LIMCH1: variants seen among roughly 807,000 people sequenced by gnomAD.
LIMCH1 encodes LIM and calponin homology domains-containing protein 1.
In LIMCH1, 113 loss-of-function variants were observed where a neutral mutation model predicts 176.5. The observed-to-expected ratio is 0.64, with a 90% CI of 0.55 to 0.75. LIMCH1 has a LOEUF of 0.75. Among genes scored for constraint, LIMCH1 ranks in the 30% least tolerant of loss-of-function variants. The pLI is 0.00. For missense variants in LIMCH1, 1,674 were observed against 1,814.9 expected (o/e 0.92, Z 1.41); for synonymous variants, 619 against 645.9 (o/e 0.96, Z 0.63).
In LIMCH1 at chr4:41,620,690, G is replaced by A. The variant is rs1343445310; in HGVS notation, c.725G>A (p.Ser242Asn). 7 of 1,532,270 alleles carry A rather than the reference G, an allele frequency of 4.6e-6. No homozygotes were observed. The highest frequency in any genetic ancestry group is 6.1e-6 in the Non-Finnish European group (7 of 1,144,492). 94.9% of individuals were successfully genotyped at this position (1,532,270 alleles called of 1,614,324 possible). ...ATGCCAGCAGCACAGCGCTTTGCCA[G>A]GTCAGCTCTGGGCTGAGGGCTGGCC... is the stretch of plus-strand genomic sequence containing the variant. The part of the protein sequence containing the change: ...KVMPAAQRFA[S>N]QKQLSEEKEA... Residue 242 changes from serine to asparagine, a missense_variant and splice_region_variant, in exon 7 of 32, where the codon AGT becomes AAT. Physicochemically the swap from Ser to Asn is conservative, Grantham distance 46 (BLOSUM62 1). Around this residue, in one of 3 missense-constraint regions of LIMCH1, gnomAD observed 655 missense variants for 692.2 expected, o/e 0.95. Coordinates refer to ENST00000503057, the MANE Select transcript of LIMCH1 (RefSeq NM_001330672.2).
At chr4:41,577,897 CTTG>C (rs1399327093) in intron 1 of LIMCH1, among the ~76,000 whole-genome samples, 8 of 152,158 alleles carry the variant, frequency 5.3e-5, no homozygotes, top group Non-Finnish European at 8.8e-5. Flanking sequence ...TAAGCGATCT[CTTG>C]TTGTTGAACA....
intron 1 of LIMCH1, among the ~76,000 whole-genome samples, chr4:41,466,001 C>T (rs1240395283): frequency 1.0e-4 from 15 of 147,872 alleles, no homozygotes; most frequent in Non-Finnish European, 4.4e-5. Flanking sequence ...CTCTGTCTCC[C>T]ACACTGGAGT....
At chr4:41,680,372 G>A (rs1432234937) in intron 24 of LIMCH1, among the ~76,000 whole-genome samples, 1 of 152,184 alleles carries the variant, frequency 6.6e-6, no homozygotes, top group Non-Finnish European at 1.5e-5. Context: ...TCAGATTCTT[G>A]ATTGATTTTA....
intron 1 of LIMCH1, among the ~76,000 whole-genome samples, chr4:41,578,345 C>T (rs542868746): frequency 4.2e-4 from 64 of 152,294 alleles, no homozygotes; most frequent in Non-Finnish European, 8.5e-4. Context: ...AAACTGCCCC[C>T]ATGAGCCGAT....
intron 2 of LIMCH1, among the ~76,000 whole-genome samples, chr4:41,497,140 G>A (rs781688661): frequency 6.6e-6 from 1 of 152,144 alleles, no homozygotes; most frequent in Non-Finnish European, 1.5e-5. Context: ...TGGTATCTTG[G>A]AACAGTGTTA....
intron 2 of LIMCH1, among the ~76,000 whole-genome samples, chr4:41,600,324 T>C (rs1020443702): frequency 7.9e-5 from 12 of 152,232 alleles, no homozygotes; most frequent in Admixed American, 6.5e-4. Context: ...CATTGTTCAC[T>C]TTAGGAAATT....
intron 1 of LIMCH1, among the ~76,000 whole-genome samples, chr4:41,485,767 G>A (rs1248247635): frequency 7.9e-5 from 12 of 152,278 alleles, no homozygotes; most frequent in African/African-American, 2.4e-4. Context: ...GAGTGGAATG[G>A]TAGCATGATT....
intron 9 of LIMCH1, among the ~76,000 whole-genome samples, chr4:41,630,500 C>T (rs1488984907): frequency 6.6e-6 from 1 of 151,998 alleles, no homozygotes; most frequent in African/African-American, 2.4e-5. Flanking sequence ...TTAATTATTC[C>T]ACAGTACCTA....
chr4:41,403,300 G>A (rs906376026), intron 1 of LIMCH1, among the ~76,000 whole-genome samples: 16 of 152,082 alleles, frequency 1.1e-4, no homozygotes, highest in African/African-American at 3.9e-4. Context: ...GACCCATCAC[G>A]CCGGGCACGG....
intron 18 of LIMCH1, among the ~76,000 whole-genome samples, chr4:41,657,222 G>A (rs1312718925): frequency 6.6e-6 from 1 of 152,218 alleles, no homozygotes; most frequent in Admixed American, 6.5e-5. Flanking sequence ...TCTTGAGAAA[G>A]TGTTACCAGT....
At chr4:41,609,303 T>A (rs1436382717) in intron 4 of LIMCH1, among the ~76,000 whole-genome samples, 2 of 152,112 alleles carry the variant, frequency 1.3e-5, no homozygotes, top group Non-Finnish European at 2.9e-5. Context: ...TTTTTCTGTG[T>A]ATTTTTTGTC....
chr4:41,370,125 C>T lies in LIMCH1; in HGVS notation c.96+9189C>T, dbSNP rs148063291. ...GGTCAGGGCTCGTTGGAGTTCCTGGCTGCAAGGCGGGAGAGCAGACATCTC... is the reference window on the plus strand; with the variant it reads ...GGTCAGGGCTCGTTGGAGTTCCTGGTTGCAAGGCGGGAGAGCAGACATCTC... On this transcript the variant is annotated intron_variant, in intron 1 of 26. Transcript: ENST00000313860. 6.2e-4 allele frequency among the ~76,000 whole-genome samples: 95 copies of T among 152,256 alleles called. 3 individuals carry two copies. In the East Asian group the frequency reaches 0.017, roughly 27 times the overall value.
intron 20 of LIMCH1, among the ~76,000 whole-genome samples, chr4:41,664,519 T>C (rs1411777417): frequency 6.6e-6 from 1 of 152,218 alleles, no homozygotes; most frequent in Non-Finnish European, 1.5e-5. Context: ...GGAACTAAAC[T>C]GGGAGTCAAA....
intron 1 of LIMCH1, among the ~76,000 whole-genome samples, chr4:41,367,882 A>G (rs935072065): frequency 4.0e-5 from 6 of 151,136 alleles, no homozygotes; most frequent in African/African-American, 1.5e-4. Context: ...AAAAAAAAAA[A>G]AAAAGAAATC....
intron 2 of LIMCH1, among the ~76,000 whole-genome samples, chr4:41,505,792 C>A (rs542716066): frequency 8.5e-5 from 13 of 152,212 alleles, no homozygotes; most frequent in Non-Finnish European, 1.9e-4. Flanking sequence ...AGCAAATAAT[C>A]CATCTATAGA....
intron 1 of LIMCH1, among the ~76,000 whole-genome samples, chr4:41,567,888 C>T (rs1479967414): frequency 6.6e-6 from 1 of 152,190 alleles, no homozygotes; most frequent in Non-Finnish European, 1.5e-5. Context: ...GGCGTGGTGG[C>T]TCATGCCTGT....
intron 1 of LIMCH1, among the ~76,000 whole-genome samples, chr4:41,437,784 G>GT (rs956059305): frequency 8.6e-5 from 13 of 151,564 alleles, no homozygotes; most frequent in South Asian, 2.1e-4. Flanking sequence ...CTTCTTTTTT[G>GT]TTTTTTTTCT....
rs542597552 is a variant in LIMCH1, at chr4:41,434,220, G to A, written c.97-60316G>A. Among the ~76,000 whole-genome samples the A allele has an allele frequency of 2.6e-5, 4 of 152,328 alleles. 1 individual carries two copies. The highest frequency in any genetic ancestry group is 9.6e-5 in the African/African-American group (4 of 41,572). On this transcript the variant is annotated intron_variant, in intron 1 of 26. Coordinates refer to the LIMCH1 transcript ENST00000313860. ...AGGCAGTGGGCTTAGGCTAGGAACT[G>A]GGTGGAGAATGGACCCAGAGCTGGC...
Position 41,670,135 on chromosome 4 carries a change from G to A in LIMCH1, c.3398-1419G>A, listed in dbSNP as rs181190053. On this transcript the variant is annotated intron_variant, in intron 21 of 31. Transcript: ENST00000503057. Reference sequence around the variant, plus strand: ...AAAGATATCTCAAACTGATGTTTCAGTAAAATATGTGCGCATTAAAAACTG... The same window carrying A: ...AAAGATATCTCAAACTGATGTTTCAATAAAATATGTGCGCATTAAAAACTG... Among the ~76,000 whole-genome samples, 15 of 152,330 alleles carry A rather than the reference G, an allele frequency of 9.8e-5. No individual in the cohort carries two copies. The East Asian group carries it at 1.9e-3, about 20-fold the overall frequency.
Sources: gnomAD v4.1 joint callset for allele counts (sites outside exome capture counted in the v4.1 genomes callset) on GRCh38, gnomAD v4.1.1 for gene constraint, gnomAD v4.1.1 regional missense constraint, MANE v1.5 for transcripts, NCBI Gene and HGNC (gene_info 2026-07-23, HGNC 2026-07-21) for gene names.